The following SNCAIP variants were observed in gnomAD, a reference collection of about 807,000 sequenced individuals.
SNCAIP encodes the protein synphilin-1.
SNCAIP carries 43 observed loss-of-function variants against 86.7 expected under a neutral mutation model. The observed-to-expected ratio is 0.50, with a 90% CI of 0.39 to 0.64. The LOEUF (loss-of-function observed/expected upper bound fraction) is 0.64. Among genes scored for constraint, SNCAIP ranks in the 30% least tolerant of loss-of-function variants. The pLI is 0.00. For synonymous variants in SNCAIP, 417 were observed against 427.2 expected, an observed-to-expected ratio of 0.98 and a Z score of 0.29; for missense variants, 981 against 1,103.1, an observed-to-expected ratio of 0.89 and a Z score of 1.57.
At chr5:122,351,264 C>T (rs1016219067) in intron 1 of SNCAIP, among the ~76,000 whole-genome samples, 2 of 152,012 alleles carry the variant, frequency 1.3e-5, no homozygotes. Context: ...TGGCCAGGCG[C>T]GGTCGCTCAC....
chr5:122,350,902 C>A (rs947389664), intron 1 of SNCAIP, among the ~76,000 whole-genome samples: 1 of 152,182 alleles, frequency 6.6e-6, no homozygotes, highest in Non-Finnish European at 1.5e-5. Context: ...GAAGCCGGAA[C>A]ACCAAAGACC....
At chr5:122,325,178 A>G (rs570874210) in intron 1 of SNCAIP, among the ~76,000 whole-genome samples, 2 of 152,248 alleles carry the variant, frequency 1.3e-5, no homozygotes, top group South Asian at 2.1e-4. Context: ...TATCAGATCC[A>G]TTCTCCCTTT....
chr5:122,330,600 G>A (rs1275866244), intron 1 of SNCAIP, among the ~76,000 whole-genome samples: 1 of 152,158 alleles, frequency 6.6e-6, no homozygotes, highest in Non-Finnish European at 1.5e-5. Context: ...TGAGGGTACA[G>A]TCTAAGTGCC....
chr5:122,369,149 CCAT>C (rs1561596541), intron 1 of SNCAIP, among the ~76,000 whole-genome samples: 1 of 152,046 alleles, frequency 6.6e-6, no homozygotes, highest in Non-Finnish European at 1.5e-5. Flanking sequence ...CAAGTTTCAG[CCAT>C]CCTTTCTTAG....
chr5:122,313,421 G>C (rs567941032), intron 1 of SNCAIP, among the ~76,000 whole-genome samples: 1 of 152,338 alleles, frequency 6.6e-6, no homozygotes, highest in East Asian at 1.9e-4. Flanking sequence ...GATTACATGT[G>C]TGCACAGTAT....
At chr5:122,372,758 T>C (rs1302984060) in intron 1 of SNCAIP, among the ~76,000 whole-genome samples, 1 of 152,084 alleles carries the variant, frequency 6.6e-6, no homozygotes, top group Non-Finnish European at 1.5e-5. Context: ...GTGGACATAA[T>C]CCCCATGTTT....
intron 6 of SNCAIP, chr5:122,437,439 A>C (rs1463580981): frequency 1.3e-5 from 2 of 152,150 alleles, no homozygotes; most frequent in Non-Finnish European, 2.9e-5. Flanking sequence ...AAGACAAGGT[A>C]TATAGTCAAT....
At chr5:122,455,209 A>G (rs560109358) in intron 10 of SNCAIP, among the ~76,000 whole-genome samples, 1 of 152,306 alleles carries the variant, frequency 6.6e-6, no homozygotes, top group East Asian at 1.9e-4. Context: ...TTCATGCTAG[A>G]AAGGAGAGGT....
chr5:122,443,454 T>G, intron 7 of SNCAIP: 1 of 325,954 alleles, frequency 3.1e-6, no homozygotes, highest in Non-Finnish European at 6.2e-6. Flanking sequence ...CCACAACTAA[T>G]GATACCTTGG....
Position 122,433,918 on chromosome 5 carries a change from C to T in SNCAIP, c.1296+1836C>T, listed in dbSNP as rs1385264481. 3.3e-5 allele frequency among the ~76,000 whole-genome samples: 5 copies of T among 152,222 alleles called. No individual in the cohort carries two copies. In the South Asian group the frequency reaches 1.0e-3, roughly 32 times the overall value. ...ACAATATTCTCTTGTGATGCTAGGC[C>T]GTGGCAGCTGCAGCTCCCAACAGCC... On this transcript the variant is annotated intron_variant, in intron 6 of 10. Coordinates refer to ENST00000261368, the MANE Select transcript of SNCAIP (RefSeq NM_005460.4).
intron 3 of SNCAIP, among the ~76,000 whole-genome samples, chr5:122,421,529 G>C (rs1776350682): frequency 6.6e-6 from 1 of 152,210 alleles, no homozygotes; most frequent in South Asian, 2.1e-4. Context: ...AGTTATAGAT[G>C]TGAGTATACA....
intron 1 of SNCAIP, among the ~76,000 whole-genome samples, chr5:122,387,351 G>A (rs1009606982): frequency 1.3e-5 from 2 of 152,006 alleles, no homozygotes; most frequent in Admixed American, 6.5e-5. Context: ...GTAGAGATGG[G>A]GTTTCATTGT....
intron 8 of SNCAIP, among the ~76,000 whole-genome samples, chr5:122,446,317 C>G (rs1485449430): frequency 2.0e-5 from 3 of 152,206 alleles, no homozygotes; most frequent in Non-Finnish European, 4.4e-5. Flanking sequence ...AATGTATGGA[C>G]ATATCCATAA....
rs1778404257 is a variant in SNCAIP at position 122,431,531 on chromosome 5, A to C, written c.1183-438A>C. Among the ~76,000 whole-genome samples the C allele has an allele frequency of 2.0e-5, 3 of 152,118 alleles. No individual in the cohort carries two copies. In the South Asian group the frequency reaches 6.2e-4, roughly 31 times the overall value. On this transcript the variant is annotated intron_variant, in intron 5 of 10. Transcript: ENST00000261368. ...ACTAATCTATTGTGACAGAAATCTC[A>C]TCAGTGGTTGTTTGGGACAAATGAG...
intron 1 of SNCAIP, among the ~76,000 whole-genome samples, chr5:122,354,404 T>A (rs1287494648): frequency 2.0e-5 from 3 of 152,200 alleles, no homozygotes; most frequent in Non-Finnish European, 4.4e-5. Context: ...CGAGTGCTCC[T>A]CTGGGCTTGC....
chr5:122,423,645 G>A lies in SNCAIP; in HGVS notation c.908G>A (p.Arg303Gln), dbSNP rs778186133. 20 of 1,612,724 alleles carry A rather than the reference G, an allele frequency of 1.2e-5. 1 individual carries two copies. Among genetic ancestry groups the A allele is most frequent in the East Asian group, 6.7e-5 (3 of 44,872 alleles). ...KPEEQVSGLN[R>Q]TSSQGPEERS... ...GAAGAGCAGGTCAGTGGCCTAAACC[G>A]GACCAGCTCCCAAGGCCCAGAAGAA... The change falls in exon 4 of 11, where the codon CGG (arginine) becomes CAG (glutamine). Residue 303 changes from arginine to glutamine, a missense_variant. Coordinates refer to ENST00000261368, the MANE Select transcript of SNCAIP (RefSeq NM_005460.4).
chr5:122,440,125 A>G (rs1159105499), intron 6 of SNCAIP, among the ~76,000 whole-genome samples: 1 of 152,212 alleles, frequency 6.6e-6, no homozygotes, highest in Non-Finnish European at 1.5e-5. Context: ...AAGCCTGTTG[A>G]TTGCAGGAGG....
At chr5:122,312,055 G>T (rs1750671767), upstream of SNCAIP, 1 of 146,244 alleles carries the variant, frequency 6.8e-6, no homozygotes, top group South Asian at 2.1e-4. Context: ...GTCCCCCAGC[G>T]CCGGCTTCGG....
chr5:122,407,377 T>C (rs1292316826), intron 3 of SNCAIP, among the ~76,000 whole-genome samples: 1 of 152,128 alleles, frequency 6.6e-6, no homozygotes, highest in East Asian at 1.9e-4. Flanking sequence ...AGCTGCAGCA[T>C]GGTGATCAGA....
Sources: allele counts gnomAD v4.1 joint callset (sites outside exome capture counted in the v4.1 genomes callset), GRCh38; gene constraint gnomAD v4.1.1; transcripts MANE v1.5; gene names NCBI Gene and HGNC (gene_info 2026-07-23, HGNC 2026-07-21).